The following FAM117B variants were observed in gnomAD, a reference collection of about 807,000 sequenced individuals.
FAM117B encodes the protein protein FAM117B.
A neutral mutation model predicts 52.8 loss-of-function variants in FAM117B; 22 were observed. The observed-to-expected ratio is 0.42, with a 90% CI of 0.30 to 0.59. FAM117B has a LOEUF of 0.59. Ranked by LOEUF, FAM117B falls within the 20% of genes least tolerant of loss-of-function variation. FAM117B has a pLI of 0.22. For missense variants in FAM117B, 678 were observed against 802.6 expected (o/e 0.84, Z 1.88); for synonymous variants, 309 against 324.1 (o/e 0.95, Z 0.50).
chr2:202,752,255 G>A (rs1430425995), intron 4 of FAM117B, among the ~76,000 whole-genome samples: 1 of 152,120 alleles, frequency 6.6e-6, no homozygotes, highest in Non-Finnish European at 1.5e-5. Flanking sequence ...AAAGCCATGA[G>A]GTAGGTTTCT....
intron 1 of FAM117B, among the ~76,000 whole-genome samples, chr2:202,685,730 A>G (rs574595278): frequency 4.3e-4 from 66 of 152,328 alleles, no homozygotes; most frequent in Non-Finnish European, 8.4e-4. Context: ...CTGGATATCC[A>G]TATAGGGGAG....
chr2:202,640,017 C>T (rs1257076711), intron 1 of FAM117B, among the ~76,000 whole-genome samples: 1 of 151,766 alleles, frequency 6.6e-6, no homozygotes, highest in Non-Finnish European at 1.5e-5. Flanking sequence ...TACCTGTAAT[C>T]CCAGCATTTT....
At chr2:202,742,777 C>T (rs1461120663) in intron 4 of FAM117B, among the ~76,000 whole-genome samples, 1 of 152,156 alleles carries the variant, frequency 6.6e-6, no homozygotes, top group East Asian at 1.9e-4. Context: ...GGGCTAATAA[C>T]CCTCGTATAA....
chr2:202,727,217 G>A (rs999293595), intron 4 of FAM117B, among the ~76,000 whole-genome samples: 1 of 152,196 alleles, frequency 6.6e-6, no homozygotes, highest in Non-Finnish European at 1.5e-5. Flanking sequence ...AGGCAGCAGG[G>A]CCTGGAAGGT....
At chr2:202,704,588 A>G (rs527429834) in intron 2 of FAM117B, among the ~76,000 whole-genome samples, 11 of 152,164 alleles carry the variant, frequency 7.2e-5, no homozygotes, top group Admixed American at 5.2e-4. Context: ...TCATGTCACT[A>G]CTCTAAGCCC....
At chr2:202,694,849 G>A (rs1032187019) in intron 1 of FAM117B, among the ~76,000 whole-genome samples, 1 of 152,156 alleles carries the variant, frequency 6.6e-6, no homozygotes, top group Non-Finnish European at 1.5e-5. Flanking sequence ...TGAGGAATAA[G>A]ATGATCACTA....
chr2:202,761,540 TC>T (rs1284044440), intron 7 of FAM117B, among the ~76,000 whole-genome samples: 36 of 152,240 alleles, frequency 2.4e-4, no homozygotes, highest in African/African-American at 7.0e-4. Context: ...TTATTTTTTT[TC>T]TTGAGATGGA....
At chr2:202,642,000 TGGTG>T (rs921474932) in intron 1 of FAM117B, among the ~76,000 whole-genome samples, 4 of 147,292 alleles carry the variant, frequency 2.7e-5, no homozygotes, top group African/African-American at 1.0e-4. Flanking sequence ...TGGAGTGCAG[TGGTG>T]TGATCTCGGC....
chr2:202,670,992 G>C (rs1291396649), intron 1 of FAM117B, among the ~76,000 whole-genome samples: 1 of 152,180 alleles, frequency 6.6e-6, no homozygotes, highest in Non-Finnish European at 1.5e-5. Context: ...ATTTTTGAAA[G>C]CTTGAAAGTG....
chr2:202,651,723 G>A (rs982491768), intron 1 of FAM117B, among the ~76,000 whole-genome samples: 16 of 152,106 alleles, frequency 1.1e-4, no homozygotes, highest in African/African-American at 3.9e-4. Flanking sequence ...GATATAATGG[G>A]CTATATTTAG....
intron 1 of FAM117B, among the ~76,000 whole-genome samples, chr2:202,673,969 G>A (rs1396522580): frequency 6.6e-6 from 1 of 152,000 alleles, no homozygotes; most frequent in Non-Finnish European, 1.5e-5. Context: ...ATCTAGTGAG[G>A]CAGCTTCTTT....
chr2:202,688,865 G>T (rs1690582009), intron 1 of FAM117B, among the ~76,000 whole-genome samples: 1 of 152,032 alleles, frequency 6.6e-6, no homozygotes, highest in Non-Finnish European at 1.5e-5. Context: ...AACTTTTCAC[G>T]AACAGATCTT....
chr2:202,748,810 C>A (rs1176592590), intron 4 of FAM117B, among the ~76,000 whole-genome samples: 1 of 151,956 alleles, frequency 6.6e-6, no homozygotes, highest in Non-Finnish European at 1.5e-5. Context: ...ATCAAAAAGA[C>A]AAAAATTAAC....
At chr2:202,691,890 A>G (rs1690635775) in intron 1 of FAM117B, among the ~76,000 whole-genome samples, 2 of 152,324 alleles carry the variant, frequency 1.3e-5, no homozygotes, top group East Asian at 1.9e-4. Context: ...AAAATGTGCT[A>G]CAAAAGGAAA....
At chr2:202,670,383 A>C (rs1247454555) in intron 1 of FAM117B, among the ~76,000 whole-genome samples, 1 of 150,450 alleles carries the variant, frequency 6.6e-6, no homozygotes, top group Non-Finnish European at 1.5e-5. Context: ...TCTGCCTCCT[A>C]AGTTCAGGTG....
chr2:202,686,759 A>G (rs867327486), intron 1 of FAM117B, among the ~76,000 whole-genome samples: 8 of 151,720 alleles, frequency 5.3e-5, no homozygotes, highest in Admixed American at 1.3e-4. Flanking sequence ...GTGAGCTGAG[A>G]TTGCCATCAC....
Position 202,732,503 on chromosome 2 carries a change from C to T in FAM117B, c.960+6140C>T, listed in dbSNP as rs554163376. On this transcript the variant is annotated intron_variant, in intron 4 of 7. Transcript: ENST00000392238. The stretch of plus-strand genomic sequence containing the variant: ...AAAAAGAATGGAGTACCAGTACATG[C>T]GACAACATGCCTGAACCTTGAAAAC... Among the ~76,000 whole-genome samples the T allele has an allele frequency of 9.9e-5, 15 of 152,158 alleles. No homozygotes were observed. The East Asian group carries it at 1.2e-3, about 12-fold the overall frequency.
chr2:202,708,691 G>A (rs1303863563), intron 2 of FAM117B, among the ~76,000 whole-genome samples: 5 of 152,022 alleles, frequency 3.3e-5, no homozygotes, highest in South Asian at 2.1e-4. Context: ...CTGCAGCCTC[G>A]AACTTCTGAG....
intron 2 of FAM117B, among the ~76,000 whole-genome samples, chr2:202,700,628 A>G (rs142580335): frequency 6.0e-4 from 92 of 152,340 alleles, no homozygotes; most frequent in African/African-American, 2.1e-3. Context: ...AAACTGTAGT[A>G]AGTTATCCAG....
Sources: gnomAD v4.1 joint callset for allele counts (sites outside exome capture counted in the v4.1 genomes callset) on GRCh38, gnomAD v4.1.1 for gene constraint, MANE v1.5 for transcripts, NCBI Gene and HGNC (gene_info 2026-07-23, HGNC 2026-07-21) for gene names.